PC: variants seen among roughly 807,000 people sequenced by gnomAD.
The protein encoded by PC is pyruvate carboxylase, mitochondrial.
In PC, 46 loss-of-function variants were observed where a neutral mutation model predicts 107.8. The observed-to-expected ratio is 0.43, with a 90% CI of 0.34 to 0.55. PC has a LOEUF of 0.55. Among genes scored for constraint, PC ranks in the 20% least tolerant of loss-of-function variants. The probability of loss-of-function intolerance (pLI) is 0.04; values close to 1 mark genes in which losing one functional copy is unlikely to be tolerated. For missense variants in PC, 1,241 were observed against 1,643.1 expected, an observed-to-expected ratio of 0.76 and a Z score of 4.23; for synonymous variants, 662 against 684.7, an observed-to-expected ratio of 0.97 and a Z score of 0.52.
At chr11:66,955,922 G>A (rs912365430) in intron 1 of PC, among the ~76,000 whole-genome samples, 11 of 152,038 alleles carry the variant, frequency 7.2e-5, no homozygotes, top group East Asian at 3.9e-4. Context: ...ACAGGTGCCC[G>A]CCACCAGGCC....
rs747530107 is a variant in PC at position 66,850,863 on chromosome 11, G to A, written c.2284C>T (p.Arg762Cys). 1.9e-5 allele frequency: 30 copies of A among 1,611,528 alleles called. No individual in the cohort carries two copies. In the South Asian group the frequency reaches 2.1e-4, roughly 11 times the overall value. The change falls in exon 18 of 23, where the codon CGC becomes TGC. Residue 762 changes from arginine to cysteine, a missense_variant. Coordinates refer to ENST00000393960, the MANE Select transcript of PC (RefSeq NM_001040716.2). ...ATGTGCAGTGGGAGGTCGGGGAAGCGGTCCCGGAGGGAGCTGACCAGCATG... is the reference window on the plus strand; with the variant it reads ...ATGTGCAGTGGGAGGTCGGGGAAGCAGTCCCGGAGGGAGCTGACCAGCATG... ...CTMLVSSLRD[R>C]FPDLPLHIHT...
chr11:66,852,688 A>G lies in PC; in HGVS notation c.1604-28T>C, dbSNP rs911589807. ...AGGGTAGACAGGGGCATTGGTGCCC[A>G]TCCTGCAGGTGGCAACCTCCTGTCT... On this transcript the variant is annotated intron_variant, in intron 14 of 22. Coordinates refer to ENST00000393960, the MANE Select transcript of PC (RefSeq NM_001040716.2). The surrounding 1 kb of genome is among the most constrained non-coding windows in gnomAD (Gnocchi z 4.7). The G allele has an allele frequency of 5.0e-6, 8 of 1,609,996 alleles. No homozygotes were observed. The highest frequency in any genetic ancestry group is 1.1e-5 in the South Asian group (1 of 90,974).
chr11:66,909,449 C>G lies in PC; in HGVS notation c.1-37290G>C, dbSNP rs77369988. 4.5e-3 allele frequency among the ~76,000 whole-genome samples: 690 copies of G among 152,324 alleles called. 3 individuals carry two copies. The highest frequency in any genetic ancestry group is 8.2e-3 in the Non-Finnish European group (555 of 68,028). On this transcript the variant is annotated intron_variant, in intron 3 of 22. Transcript: ENST00000393960. ...GGAACAGGTGTCCCTGCCGCTCCCC[C>G]CCGAAGAGAAGCTGCCTGAGAGTGG...
intron 3 of PC, among the ~76,000 whole-genome samples, chr11:66,923,960 T>C (rs1236767958): frequency 6.7e-6 from 1 of 149,824 alleles, no homozygotes; most frequent in African/African-American, 2.5e-5. Context: ...ACCAGCACTT[T>C]GGGAGGCTAG....
At chr11:66,894,951 G>C (rs1947702694) in intron 3 of PC, among the ~76,000 whole-genome samples, 1 of 151,934 alleles carries the variant, frequency 6.6e-6, no homozygotes, top group Non-Finnish European at 1.5e-5. Flanking sequence ...GAACCCAGGA[G>C]GCGGAAGCTG....
intron 3 of PC, among the ~76,000 whole-genome samples, chr11:66,917,341 G>A (rs958697709): frequency 1.3e-5 from 2 of 152,112 alleles, no homozygotes; most frequent in African/African-American, 2.4e-5. Context: ...CCAAAGTGCT[G>A]GGGGCCCAAA....
chr11:66,946,986 C>G (rs1212247913), intron 3 of PC, among the ~76,000 whole-genome samples: 1 of 152,054 alleles, frequency 6.6e-6, no homozygotes, highest in African/African-American at 2.4e-5. Context: ...AAAAGACTAA[C>G]CATAGCCAGT....
At chr11:66,853,164 T>G (rs1591126627) in intron 13 of PC, 75 bp downstream of exon 13, 4 of 1,526,312 alleles carry the variant, frequency 2.6e-6, no homozygotes, top group Non-Finnish European at 1.8e-6. Flanking sequence ...TCATGGGGAG[T>G]GGCAAGGAGG....
chr11:66,901,745 T>C (rs941990767), intron 3 of PC, among the ~76,000 whole-genome samples: 3 of 152,200 alleles, frequency 2.0e-5, no homozygotes, highest in African/African-American at 7.2e-5. Context: ...AGTGCTAGGA[T>C]TACAGGCGTG....
intron 12 of PC, among the ~76,000 whole-genome samples, chr11:66,863,140 G>C (rs1301274615): frequency 1.3e-5 from 2 of 152,170 alleles, no homozygotes; most frequent in African/African-American, 2.4e-5. Flanking sequence ...TCAGGAGTTT[G>C]AGACCAGCCT....
intron 12 of PC, among the ~76,000 whole-genome samples, chr11:66,854,344 C>G (rs1437347950): frequency 6.6e-6 from 1 of 152,220 alleles, no homozygotes. Flanking sequence ...AGAGCTGACA[C>G]TCACCTTTCC....
At chr11:66,851,744 T>G (rs767467602) in intron 16 of PC, 46 bp downstream of exon 16, 15 of 1,603,734 alleles carry the variant, frequency 9.4e-6, no homozygotes, top group Non-Finnish European at 1.2e-5. Flanking sequence ...CTCGGTACCC[T>G]CTGGGCCACA....
chr11:66,907,262 T>G (rs1948193266), intron 3 of PC, among the ~76,000 whole-genome samples: 1 of 152,236 alleles, frequency 6.6e-6, no homozygotes, highest in African/African-American at 2.4e-5. Flanking sequence ...GAACAGTGGT[T>G]CACGCCTGTA....
At chr11:66,933,163 C>T (rs1185917118) in intron 3 of PC, among the ~76,000 whole-genome samples, 1 of 152,150 alleles carries the variant, frequency 6.6e-6, no homozygotes, top group African/African-American at 2.4e-5. Flanking sequence ...GTGTCTCTCT[C>T]CTGACAGCTC....
At chr11:66,854,966 T>C (rs370052848) in intron 12 of PC, among the ~76,000 whole-genome samples, 1 of 152,142 alleles carries the variant, frequency 6.6e-6, no homozygotes, top group Non-Finnish European at 1.5e-5. Flanking sequence ...GCGCGCAGAG[T>C]GAGAAGGACC....
chr11:66,956,351 G>A (rs1445175448), intron 1 of PC, among the ~76,000 whole-genome samples: 2 of 152,022 alleles, frequency 1.3e-5, no homozygotes, highest in East Asian at 2.0e-4. Context: ...TTGGGAGGTC[G>A]AGGTGGGCGG....
intron 3 of PC, among the ~76,000 whole-genome samples, chr11:66,892,568 C>T (rs117537219): frequency 0.051 from 7,776 of 152,178 alleles, 319 homozygotes; most frequent in East Asian, 0.11. Flanking sequence ...AAAATGTCGC[C>T]GGGCGCGGTG....
At chr11:66,943,841 G>A (rs938344711) in intron 3 of PC, among the ~76,000 whole-genome samples, 61 of 149,594 alleles carry the variant, frequency 4.1e-4, no homozygotes, top group African/African-American at 5.7e-4. Context: ...AAAATTAGCC[G>A]GGCGTCGTGG....
intron 3 of PC, among the ~76,000 whole-genome samples, chr11:66,939,826 A>C (rs1459160913): frequency 1.4e-5 from 2 of 143,818 alleles, no homozygotes; most frequent in Non-Finnish European, 3.0e-5. Context: ...AAAAAAAAAA[A>C]CCAAAAACAA....
Sources: allele counts gnomAD v4.1 joint callset (sites outside exome capture counted in the v4.1 genomes callset), GRCh38; gene constraint gnomAD v4.1.1; non-coding constraint Gnocchi (gnomAD v3.1); transcripts MANE v1.5; gene names NCBI Gene and HGNC (gene_info 2026-07-23, HGNC 2026-07-21).